Variants in FTO observed in about 807,000 individuals in gnomAD.
FTO encodes alpha-ketoglutarate-dependent dioxygenase FTO.
In FTO, 47 loss-of-function variants were observed where a neutral mutation model predicts 63.9. The observed-to-expected ratio is 0.74, with a 90% CI of 0.58 to 0.94. FTO has a LOEUF of 0.94. FTO is among the 40% of genes least tolerant of loss of function. The probability of loss-of-function intolerance (pLI) is 0.00; values close to 1 mark genes in which losing one functional copy is unlikely to be tolerated. For synonymous variants in FTO, 207 were observed against 224.4 expected (o/e 0.92, Z 0.69); for missense variants, 562 against 618.1 (o/e 0.91, Z 0.96).
chr16:53,794,723 T>C (rs1442221979), intron 1 of FTO, among the ~76,000 whole-genome samples: 1 of 152,132 alleles, frequency 6.6e-6, no homozygotes, highest in East Asian at 1.9e-4. Flanking sequence ...GAAAATGTGG[T>C]GTTCCATGTT....
At chr16:53,948,040 C>T (rs531292025) in intron 8 of FTO, among the ~76,000 whole-genome samples, 6 of 152,180 alleles carry the variant, frequency 3.9e-5, no homozygotes, top group African/African-American at 1.4e-4. Context: ...GTGGTGGTTT[C>T]GGTGGCAGGT....
chr16:53,810,828 T>C (rs541400288), intron 2 of FTO, among the ~76,000 whole-genome samples: 3 of 152,358 alleles, frequency 2.0e-5, no homozygotes, highest in African/African-American at 7.2e-5. Context: ...ACCCGATCAC[T>C]GTTTTTTCCT....
At chr16:53,717,599 T>G (rs1474514478) in intron 1 of FTO, among the ~76,000 whole-genome samples, 1 of 152,122 alleles carries the variant, frequency 6.6e-6, no homozygotes, top group African/African-American at 2.4e-5. Context: ...TATTCAAAAG[T>G]TTTCCTTTGT....
rs28368448 is a variant in FTO, at chr16:53,808,799, C to T, written c.46-1341C>T. Among the ~76,000 whole-genome samples the T allele has an allele frequency of 7.1e-3, 1,086 of 152,234 alleles. 13 individuals carry two copies. Among genetic ancestry groups the T allele is most frequent in the African/African-American group, 0.025 (1,019 of 41,534 alleles). On this transcript the variant is annotated intron_variant, in intron 1 of 8. Coordinates refer to ENST00000471389, the MANE Select transcript of FTO (RefSeq NM_001080432.3). Reference sequence around the variant, plus strand: ...TATATCGGCCCAGAGCAAAGTGTACCGTTATCTAATTTTTATAAATGTGAC... The same window carrying T: ...TATATCGGCCCAGAGCAAAGTGTACTGTTATCTAATTTTTATAAATGTGAC...
chr16:53,971,176 T>A (rs144789414), intron 8 of FTO, among the ~76,000 whole-genome samples: 9 of 152,366 alleles, frequency 5.9e-5, no homozygotes, highest in African/African-American at 2.2e-4. Context: ...AATCATTTCC[T>A]TATTGTTGGA....
intron 8 of FTO, among the ~76,000 whole-genome samples, chr16:53,989,658 G>A (rs562587499): frequency 1.3e-5 from 2 of 152,198 alleles, no homozygotes; most frequent in Admixed American, 6.5e-5. Context: ...TCTATAAGGC[G>A]GGAATAATAT....
At chr16:53,711,801 C>G (rs2075782950) in intron 1 of FTO, among the ~76,000 whole-genome samples, 1 of 152,134 alleles carries the variant, frequency 6.6e-6, no homozygotes, top group African/African-American at 2.4e-5. Flanking sequence ...GAGTAATGTA[C>G]ATTTTTATCA....
rs1418369309 is a variant in FTO, at chr16:54,116,438, T to A, written c.*4523T>A. 2.0e-5 allele frequency: 3 copies of A among 152,168 alleles called. No homozygotes were observed. Among genetic ancestry groups the A allele is most frequent in the Non-Finnish European group, 4.4e-5 (3 of 68,040 alleles). 9.4% of individuals were successfully genotyped at this position (152,168 alleles called of 1,614,324 possible). On this transcript the variant is annotated 3_prime_UTR_variant, in exon 9 of 9. Transcript: ENST00000471389. ...GGATTAAAATGCGCCGAAGTGGTAA[T>A]GCCGTTTATCCCGTTTGCCTTTGTT...
intron 8 of FTO, among the ~76,000 whole-genome samples, chr16:53,940,306 G>A (rs1032489962): frequency 1.1e-4 from 17 of 152,194 alleles, no homozygotes; most frequent in African/African-American, 3.1e-4. Context: ...AAAACATGGC[G>A]GACTTAAGGA....
intron 8 of FTO, among the ~76,000 whole-genome samples, chr16:54,029,587 A>T (rs1464308041): frequency 6.6e-6 from 1 of 152,172 alleles, no homozygotes; most frequent in Admixed American, 6.6e-5. Flanking sequence ...CCATTTCCTT[A>T]AAACATTCTT....
intron 5 of FTO, among the ~76,000 whole-genome samples, chr16:53,874,182 A>G (rs115529666): frequency 0.013 from 1,944 of 152,304 alleles, 38 homozygotes; most frequent in African/African-American, 0.044. Flanking sequence ...AGGGCAGGAG[A>G]TGACCAGAAG....
intron 8 of FTO, among the ~76,000 whole-genome samples, chr16:54,041,942 G>T (rs1358853831): frequency 6.6e-6 from 1 of 152,188 alleles, no homozygotes; most frequent in Non-Finnish European, 1.5e-5. Context: ...CCTGCGGATG[G>T]CTGTTCCTAT....
At chr16:53,819,260 C>T (rs1051783006) in intron 2 of FTO, among the ~76,000 whole-genome samples, 2 of 152,196 alleles carry the variant, frequency 1.3e-5, no homozygotes, top group Admixed American at 1.3e-4. Flanking sequence ...GCTTCCACTT[C>T]CTGGGCTCAA....
intron 7 of FTO, among the ~76,000 whole-genome samples, chr16:53,895,962 A>T (rs2081269418): frequency 6.6e-6 from 1 of 152,174 alleles, no homozygotes; most frequent in South Asian, 2.1e-4. Context: ...GGATTTGGCT[A>T]AATTTTGACA....
At chr16:54,051,261 T>G (rs1291164211) in intron 8 of FTO, among the ~76,000 whole-genome samples, 1 of 152,178 alleles carries the variant, frequency 6.6e-6, no homozygotes, top group African/African-American at 2.4e-5. Flanking sequence ...TCTGCCCAGC[T>G]GGCCGGTGTC....
Position 53,835,515 on chromosome 16 carries a change from A to G in FTO, c.752-8640A>G, listed in dbSNP as rs1254398440. 2.0e-5 allele frequency among the ~76,000 whole-genome samples: 3 copies of G among 152,158 alleles called. No homozygotes were observed. In the East Asian group the frequency reaches 5.8e-4, roughly 29 times the overall value. ...AAATAATATTTTTTTTCAGAATCGT[A>G]GTGACATTGCATTACTGTCTTTTAT... is the stretch of plus-strand genomic sequence containing the variant. On this transcript the variant is annotated intron_variant, in intron 3 of 8. Transcript: ENST00000471389.
intron 8 of FTO, chr16:53,991,791 G>A (rs2083817233): frequency 6.6e-6 from 1 of 152,196 alleles, no homozygotes; most frequent in South Asian, 2.1e-4. Context: ...AGAGTTGAAA[G>A]GGAACAGCTC....
intron 4 of FTO, among the ~76,000 whole-genome samples, chr16:53,854,173 GT>G (rs1276426758): frequency 6.6e-6 from 1 of 151,450 alleles, no homozygotes; most frequent in Non-Finnish European, 1.5e-5. Flanking sequence ...GGGATTATTT[GT>G]TTTTTTTCTT....
At chr16:53,946,700 G>A (rs896690447) in intron 8 of FTO, among the ~76,000 whole-genome samples, 5 of 152,018 alleles carry the variant, frequency 3.3e-5, no homozygotes, top group South Asian at 2.1e-4. Context: ...GCTGTGCTAC[G>A]GCTCTCTTTC....
Sources: allele counts gnomAD v4.1 joint callset (sites outside exome capture counted in the v4.1 genomes callset), GRCh38; gene constraint gnomAD v4.1.1; transcripts MANE v1.5; gene names NCBI Gene and HGNC (gene_info 2026-07-23, HGNC 2026-07-21).